FHIT: variants seen among roughly 807,000 people sequenced by gnomAD.
The protein encoded by FHIT is bis(5'-adenosyl)-triphosphatase.
FHIT carries 19 observed loss-of-function variants against 17.9 expected under a neutral mutation model. The ratio of observed to expected loss-of-function variants is 1.06; its 90% CI spans 0.74 to 1.56. The LOEUF (loss-of-function observed/expected upper bound fraction) is 1.56. FHIT is among the 40% of genes most tolerant of loss of function. The pLI is 0.00. For missense variants in FHIT, 248 were observed against 189.2 expected (o/e 1.31, Z -1.82); for synonymous variants, 81 against 69.7 (o/e 1.16, Z -0.81).
intron 5 of FHIT, among the ~76,000 whole-genome samples, chr3:60,500,771 T>TAAAAAAAAAAAAAAAAAAAAAA (rs71092606): frequency 4.6e-5 from 3 of 64,858 alleles, no homozygotes; most frequent in African/African-American, 1.8e-4. Context: ...AGCATCCATC[T>TAAAAAAAAAAAAAAAAAAAAAA]AAAAAAAAAA....
chr3:60,404,994 T>A (rs1325005927), intron 5 of FHIT, among the ~76,000 whole-genome samples: 1 of 152,200 alleles, frequency 6.6e-6, no homozygotes, highest in Non-Finnish European at 1.5e-5. Flanking sequence ...TCTTCTCAAA[T>A]GAGCTAGAAA....
At chr3:60,688,905 C>A (rs2040922386) in intron 4 of FHIT, among the ~76,000 whole-genome samples, 1 of 152,142 alleles carries the variant, frequency 6.6e-6, no homozygotes, top group Admixed American at 6.5e-5. Flanking sequence ...GTGGGTTCCA[C>A]ATCTGTGGAT....
In FHIT at chr3:59,922,406, G is replaced by T; in HGVS notation, c.288C>A (p.His96Gln). The change falls in exon 8 of 10, where the codon CAC becomes CAA. Residue 96 changes from histidine to glutamine, a missense_variant. Transcript: ENST00000492590. ...PEAGQTVKHVHVHVLPRKAGD... is the reference protein window; with the variant it reads ...PEAGQTVKHVQVHVLPRKAGD... ...CAGCCTTCCTGGGAAGAACATGGAC[G>T]TGAACGTGCTGAAAATGTACAAGAA... 6.2e-7 allele frequency: 1 copy of T among 1,613,310 alleles called. No individual in the cohort carries two copies.
chr3:59,978,655 G>T (rs551922359), intron 7 of FHIT, among the ~76,000 whole-genome samples: 145 of 149,768 alleles, frequency 9.7e-4, no homozygotes, highest in African/African-American at 3.4e-3. Flanking sequence ...GGGACACTTT[G>T]CAACCTCCAA....
chr3:60,710,046 A>G (rs1292989305), intron 4 of FHIT, among the ~76,000 whole-genome samples: 1 of 150,360 alleles, frequency 6.7e-6, no homozygotes. Context: ...TTCTTTCTGC[A>G]TACTTCCCAT....
intron 5 of FHIT, among the ~76,000 whole-genome samples, chr3:60,224,576 G>A (rs1379298947): frequency 6.6e-6 from 1 of 152,098 alleles, no homozygotes; most frequent in African/African-American, 2.4e-5. Context: ...CACCGGAGCT[G>A]CCTGACGTAC....
intron 3 of FHIT, among the ~76,000 whole-genome samples, chr3:60,826,261 G>A (rs1553740977): frequency 6.6e-6 from 1 of 152,030 alleles, no homozygotes; most frequent in African/African-American, 2.4e-5. Context: ...TAAGCTAATC[G>A]CTAATCATAG....
At chr3:60,484,398 C>T (rs1337644809) in intron 5 of FHIT, among the ~76,000 whole-genome samples, 1 of 152,178 alleles carries the variant, frequency 6.6e-6, no homozygotes, top group African/African-American at 2.4e-5. Context: ...CTGGAGGTAT[C>T]AGGCTACCTG....
At chr3:60,081,512 T>A (rs2736783) in intron 5 of FHIT, among the ~76,000 whole-genome samples, 58,075 of 151,900 alleles carry the variant, frequency 0.38, 11,745 homozygotes, top group African/African-American at 0.51. Flanking sequence ...GTAATAAGGT[T>A]CTGTTCAAGG....
intron 5 of FHIT, among the ~76,000 whole-genome samples, chr3:60,264,336 C>A (rs17062647): frequency 0.03 from 4,505 of 152,036 alleles, 159 homozygotes; most frequent in East Asian, 0.14. Flanking sequence ...TTTAGCCATG[C>A]ACTCACTGAT....
At chr3:61,122,394 T>C (rs1283250282) in intron 2 of FHIT, among the ~76,000 whole-genome samples, 2 of 152,112 alleles carry the variant, frequency 1.3e-5, no homozygotes, top group East Asian at 3.9e-4. Flanking sequence ...CCTAAAACCA[T>C]AGAAACCCTA....
chr3:60,652,058 G>A (rs532952684), intron 4 of FHIT, among the ~76,000 whole-genome samples: 1 of 152,296 alleles, frequency 6.6e-6, no homozygotes, highest in South Asian at 2.1e-4. Context: ...GCCTAAAAAG[G>A]GATTGCGGCA....
chr3:60,125,500 T>C (rs1355355563), intron 5 of FHIT, among the ~76,000 whole-genome samples: 4 of 151,592 alleles, frequency 2.6e-5, no homozygotes, highest in Admixed American at 2.0e-4. Context: ...GGTGTGGTGG[T>C]GCATGCCTGT....
intron 8 of FHIT, among the ~76,000 whole-genome samples, chr3:59,920,508 C>A (rs181724579): frequency 2.0e-4 from 31 of 152,290 alleles, no homozygotes; most frequent in African/African-American, 6.7e-4. Context: ...CCAACCACAG[C>A]ACTGTACATT....
At chr3:60,578,181 G>A (rs2037633439) in intron 4 of FHIT, among the ~76,000 whole-genome samples, 1 of 152,106 alleles carries the variant, frequency 6.6e-6, no homozygotes, top group African/African-American at 2.4e-5. Flanking sequence ...GCTCACACCT[G>A]TAATCCCAGC....
intron 5 of FHIT, among the ~76,000 whole-genome samples, chr3:60,310,569 T>C (rs527237732): frequency 1.6e-4 from 25 of 152,134 alleles, no homozygotes; most frequent in South Asian, 4.2e-4. Context: ...GCCTCTCCAG[T>C]TGGCTTCTGA....
At chr3:59,895,226 G>C (rs1275790117) in intron 8 of FHIT, among the ~76,000 whole-genome samples, 1 of 152,222 alleles carries the variant, frequency 6.6e-6, no homozygotes, top group Admixed American at 6.5e-5. Flanking sequence ...GATTAGCACG[G>C]AACACAGAGC....
At chr3:61,066,785 G>T (rs930052489) in intron 2 of FHIT, among the ~76,000 whole-genome samples, 3 of 152,198 alleles carry the variant, frequency 2.0e-5, no homozygotes, top group African/African-American at 7.2e-5. Flanking sequence ...AAGGGCATAG[G>T]TTTGGGTAGA....
At chr3:60,398,404 G>A (rs1414228123) in intron 5 of FHIT, among the ~76,000 whole-genome samples, 1 of 152,130 alleles carries the variant, frequency 6.6e-6, no homozygotes, top group Non-Finnish European at 1.5e-5. Context: ...ATTTCAGCCA[G>A]CAAGAAACTA....
Sources: gnomAD v4.1 joint callset for allele counts (sites outside exome capture counted in the v4.1 genomes callset) on GRCh38, gnomAD v4.1.1 for gene constraint, MANE v1.5 for transcripts, NCBI Gene and HGNC (gene_info 2026-07-23, HGNC 2026-07-21) for gene names.